The following GALNT13 variants were observed in gnomAD, a reference collection of about 807,000 sequenced individuals.
The protein encoded by GALNT13 is polypeptide N-acetylgalactosaminyltransferase 13, also known as UDP-GalNAc:polypeptide N-acetylgalactosaminyltransferase 13.
GALNT13 carries 28 observed loss-of-function variants against 64.2 expected under a neutral mutation model. That is an observed-to-expected ratio of 0.44 (90% confidence interval 0.32 to 0.60). GALNT13 has a LOEUF of 0.60. Among genes scored for constraint, GALNT13 ranks in the 20% least tolerant of loss-of-function variants. GALNT13 has a pLI of 0.05. For missense variants in GALNT13, 577 were observed against 669.8 expected, an observed-to-expected ratio of 0.86 and a Z score of 1.53; for synonymous variants, 214 against 224.6, an observed-to-expected ratio of 0.95 and a Z score of 0.42.
chr2:153,398,808 A>G, the GALNT13 span, among the ~76,000 whole-genome samples: 1 of 139,976 alleles, frequency 7.1e-6, no homozygotes, highest in East Asian at 2.0e-4. Flanking sequence ...AGTTCATTGT[A>G]GATTCTGGAT....
At chr2:153,573,552 T>G in the GALNT13 span, among the ~76,000 whole-genome samples, 1 of 150,988 alleles carries the variant, frequency 6.6e-6, no homozygotes, top group Non-Finnish European at 1.5e-5. Flanking sequence ...GAGATAATTT[T>G]CTCTGGTGAT....
intron 8 of GALNT13, among the ~76,000 whole-genome samples, chr2:154,276,211 C>T (rs62171252): frequency 2.6e-5 from 4 of 151,588 alleles, no homozygotes; most frequent in African/African-American, 7.3e-5. Flanking sequence ...TTTCTTTTCT[C>T]TTTTCTCTTT....
At chr2:153,324,583 GC>G in the GALNT13 span, among the ~76,000 whole-genome samples, 2 of 152,028 alleles carry the variant, frequency 1.3e-5, no homozygotes, top group East Asian at 3.9e-4. Context: ...GGTGCTTCTG[GC>G]CTTTGGCCAT....
rs75227548 is a variant in GALNT13 at position 154,351,068 on chromosome 2, T to TA, written c.1157-44922dup. The stretch of plus-strand genomic sequence containing the variant: ...TTTGCAGCTGCAAAGACAGGAAACT[T>TA]AGAGGTCTGTGAAGGTTCACGTGTG... On this transcript the variant is annotated intron_variant, in intron 9 of 12. Coordinates refer to ENST00000392825, the MANE Select transcript of GALNT13 (RefSeq NM_052917.4). 3.0e-4 allele frequency among the ~76,000 whole-genome samples: 45 copies of TA among 152,128 alleles called. No individual in the cohort carries two copies. The East Asian group carries it at 8.3e-3, about 28-fold the overall frequency.
At chr2:153,814,611 G>A in the GALNT13 span, among the ~76,000 whole-genome samples, 8 of 152,146 alleles carry the variant, frequency 5.3e-5, no homozygotes, top group East Asian at 1.9e-4. Flanking sequence ...GTTGTAGGAC[G>A]GGAGCTACCA....
At chr2:154,300,875 A>G (rs1385374059) in intron 8 of GALNT13, among the ~76,000 whole-genome samples, 4 of 152,214 alleles carry the variant, frequency 2.6e-5, no homozygotes, top group Non-Finnish European at 5.9e-5. Context: ...AGAAGAAATG[A>G]TCTTGGTGAA....
At chr2:153,256,971 G>T in the GALNT13 span, among the ~76,000 whole-genome samples, 10 of 152,352 alleles carry the variant, frequency 6.6e-5, no homozygotes, top group South Asian at 4.1e-4. Flanking sequence ...GAGCTGTGGT[G>T]GGCTCCACCC....
At chr2:153,964,506 T>C (rs1693191450) in intron 3 of GALNT13, among the ~76,000 whole-genome samples, 2 of 152,286 alleles carry the variant, frequency 1.3e-5, no homozygotes, top group South Asian at 4.1e-4. Context: ...TGTACATTTC[T>C]CTGTTACTAA....
At chr2:153,759,700 G>C in the GALNT13 span, among the ~76,000 whole-genome samples, 2 of 151,906 alleles carry the variant, frequency 1.3e-5, no homozygotes, top group African/African-American at 4.8e-5. Context: ...TTAATACACT[G>C]TTGATTAGAT....
At chr2:153,562,082 G>C in the GALNT13 span, among the ~76,000 whole-genome samples, 3 of 149,372 alleles carry the variant, frequency 2.0e-5, no homozygotes, top group Admixed American at 6.7e-5. Context: ...GTGTGTGTGT[G>C]TGTGTGTGTG....
the GALNT13 span, among the ~76,000 whole-genome samples, chr2:153,356,204 C>A: frequency 6.6e-6 from 1 of 152,054 alleles, no homozygotes; most frequent in South Asian, 2.1e-4. Context: ...ATATCAGTCA[C>A]CCCAAAGAAA....
At chr2:153,973,190 G>A (rs1033049051) in intron 3 of GALNT13, among the ~76,000 whole-genome samples, 1 of 151,926 alleles carries the variant, frequency 6.6e-6, no homozygotes, top group Non-Finnish European at 1.5e-5. Flanking sequence ...TAGAGGCCAA[G>A]ATAAAACTAC....
At chr2:153,896,074 A>T (rs570599396) in intron 1 of GALNT13, among the ~76,000 whole-genome samples, 1 of 141,376 alleles carries the variant, frequency 7.1e-6, no homozygotes, top group African/African-American at 2.7e-5. Flanking sequence ...ATTAAGGATG[A>T]TTTTATATTT....
chr2:153,138,280 C>G, the GALNT13 span, among the ~76,000 whole-genome samples: 1 of 152,016 alleles, frequency 6.6e-6, no homozygotes. Flanking sequence ...TATCTGGAAT[C>G]AACATGAGAA....
chr2:154,001,556 A>T (rs1574303670), intron 3 of GALNT13, among the ~76,000 whole-genome samples: 1 of 152,008 alleles, frequency 6.6e-6, no homozygotes, highest in South Asian at 2.1e-4. Context: ...CGCAATCTAC[A>T]GTTCAAACAC....
At chr2:153,093,862 T>C in the GALNT13 span, among the ~76,000 whole-genome samples, 1 of 152,132 alleles carries the variant, frequency 6.6e-6, no homozygotes, top group African/African-American at 2.4e-5. Context: ...TTACTTTTTA[T>C]TGGTCTGTGC....
At chr2:154,345,782 A>T (rs914776824) in intron 9 of GALNT13, among the ~76,000 whole-genome samples, 1 of 152,010 alleles carries the variant, frequency 6.6e-6, no homozygotes, top group African/African-American at 2.4e-5. Flanking sequence ...ACAAATGCTC[A>T]TTTCTATTGT....
At chr2:153,957,306 A>G (rs1692628368) in intron 3 of GALNT13, among the ~76,000 whole-genome samples, 1 of 152,178 alleles carries the variant, frequency 6.6e-6, no homozygotes, top group Admixed American at 6.5e-5. Flanking sequence ...CAAATTAGAA[A>G]GGGAGGTAGC....
chr2:153,660,489 TC>T, the GALNT13 span, among the ~76,000 whole-genome samples: 1 of 151,594 alleles, frequency 6.6e-6, no homozygotes, highest in Non-Finnish European at 1.5e-5. Context: ...TTTGGCCTAA[TC>T]TTTTGGTTGA....
Sources: allele counts gnomAD v4.1 joint callset (sites outside exome capture counted in the v4.1 genomes callset), GRCh38; gene constraint gnomAD v4.1.1; transcripts MANE v1.5; gene names NCBI Gene and HGNC (gene_info 2026-07-23, HGNC 2026-07-21).